Variants in SCHIP1 observed in about 807,000 individuals in gnomAD.
SCHIP1 encodes the protein schwannomin interacting protein 1.
Under a neutral mutation model 29.7 loss-of-function variants are expected in SCHIP1, and 8 were observed. The observed-to-expected ratio is 0.27, with a 90% CI of 0.16 to 0.49. The LOEUF is 0.49. Among genes scored for constraint, SCHIP1 ranks in the 20% least tolerant of loss-of-function variants. The pLI is 0.99. For missense variants in SCHIP1, 193 were observed against 294.6 expected (o/e 0.66, Z 2.52); for synonymous variants, 76 against 94.9 (o/e 0.80, Z 1.16).
the SCHIP1 span, among the ~76,000 whole-genome samples, chr3:159,640,613 G>A: frequency 6.6e-6 from 1 of 152,094 alleles, no homozygotes; most frequent in Non-Finnish European, 1.5e-5. Flanking sequence ...GAGAAACTGG[G>A]CCTGAATTTT....
the SCHIP1 span, among the ~76,000 whole-genome samples, chr3:159,772,245 G>A: frequency 2.6e-5 from 4 of 152,136 alleles, no homozygotes; most frequent in Non-Finnish European, 5.9e-5. Flanking sequence ...CCATCTCCCA[G>A]TTTCAAGCAA....
the SCHIP1 span, among the ~76,000 whole-genome samples, chr3:159,468,777 A>ATATATATATTTTTTT: frequency 7.9e-6 from 1 of 127,350 alleles, no homozygotes; most frequent in African/African-American, 3.0e-5. Context: ...ATATATATAT[A>ATATATATATTTTTTT]TTTTTTTTAG....
chr3:159,456,268 T>G, the SCHIP1 span, among the ~76,000 whole-genome samples: 3 of 152,166 alleles, frequency 2.0e-5, no homozygotes, highest in Admixed American at 2.0e-4. Flanking sequence ...GTAAATTGTT[T>G]AAAATAAAGA....
chr3:159,382,019 T>C, the SCHIP1 span, among the ~76,000 whole-genome samples: 1 of 152,100 alleles, frequency 6.6e-6, no homozygotes, highest in Admixed American at 6.6e-5. Context: ...TGCTTCGGCC[T>C]AATAGTGACA....
chr3:159,462,913 T>C, the SCHIP1 span, among the ~76,000 whole-genome samples: 1 of 152,116 alleles, frequency 6.6e-6, no homozygotes, highest in South Asian at 2.1e-4. Context: ...AACTTAAATG[T>C]TTACCAGAAA....
the SCHIP1 span, among the ~76,000 whole-genome samples, chr3:159,505,408 A>C: frequency 3.3e-5 from 5 of 152,324 alleles, no homozygotes; most frequent in South Asian, 1.0e-3. Context: ...ACGAAGGAGA[A>C]CAAGGTTGGG....
the SCHIP1 span, among the ~76,000 whole-genome samples, chr3:159,499,515 G>A: frequency 5.5e-4 from 83 of 152,186 alleles, no homozygotes; most frequent in Non-Finnish European, 1.1e-3. Flanking sequence ...CAAGTCGACT[G>A]AGATGATAAT....
intron 2 of SCHIP1, among the ~76,000 whole-genome samples, chr3:159,877,797 A>G (rs1715994303): frequency 6.6e-6 from 1 of 152,208 alleles, no homozygotes; most frequent in Non-Finnish European, 1.5e-5. Flanking sequence ...ATAGGTGTTT[A>G]AACTCTGTCT....
At chr3:159,891,314 T>C (rs1201268563) in intron 5 of SCHIP1, among the ~76,000 whole-genome samples, 1 of 151,360 alleles carries the variant, frequency 6.6e-6, no homozygotes, top group Non-Finnish European at 1.5e-5. Flanking sequence ...GAGGTTGCAA[T>C]GAGCCGAGAT....
chr3:159,579,003 A>C, the SCHIP1 span, among the ~76,000 whole-genome samples: 5 of 152,210 alleles, frequency 3.3e-5, no homozygotes, highest in South Asian at 1.0e-3. Context: ...TTTCCATTGG[A>C]CAATACTGAT....
chr3:159,707,744 TC>T, the SCHIP1 span, among the ~76,000 whole-genome samples: 15 of 152,334 alleles, frequency 9.8e-5, 1 homozygote, highest in African/African-American at 3.4e-4. Context: ...TTCCCGTAGA[TC>T]AAAGAATTGT....
chr3:159,460,713 C>T, the SCHIP1 span, among the ~76,000 whole-genome samples: 1 of 152,126 alleles, frequency 6.6e-6, no homozygotes, highest in Non-Finnish European at 1.5e-5. Context: ...GGAAGTTCCA[C>T]ATCCCAAGAC....
the SCHIP1 span, among the ~76,000 whole-genome samples, chr3:159,584,903 C>T: frequency 6.6e-6 from 1 of 152,020 alleles, no homozygotes; most frequent in Non-Finnish European, 1.5e-5. Context: ...CCTTGTAACA[C>T]CCCAGGCATT....
the SCHIP1 span, among the ~76,000 whole-genome samples, chr3:159,497,133 G>T: frequency 1.6e-4 from 25 of 151,974 alleles, 1 homozygote; most frequent in Admixed American, 1.4e-3. Context: ...AGCATTAGGA[G>T]ATATATCTAA....
the SCHIP1 span, among the ~76,000 whole-genome samples, chr3:159,507,895 C>T: frequency 2.0e-5 from 3 of 152,120 alleles, no homozygotes; most frequent in African/African-American, 7.2e-5. Flanking sequence ...ATTTTTGCAT[C>T]GATATTCATC....
the SCHIP1 span, among the ~76,000 whole-genome samples, chr3:159,449,997 G>T: frequency 6.6e-6 from 1 of 152,076 alleles, no homozygotes. Flanking sequence ...GAGAGAAGGA[G>T]AGGGGAGAAA....
At chr3:159,315,160 T>G in the SCHIP1 span, among the ~76,000 whole-genome samples, 9 of 151,870 alleles carry the variant, frequency 5.9e-5, no homozygotes, top group African/African-American at 1.7e-4. Context: ...CATGTCCTTG[T>G]CAACACTTGG....
chr3:159,490,869 G>C, the SCHIP1 span, among the ~76,000 whole-genome samples: 1 of 152,156 alleles, frequency 6.6e-6, no homozygotes, highest in Non-Finnish European at 1.5e-5. Flanking sequence ...AATTGATTCA[G>C]TGAGTATGGC....
chr3:159,642,056 C>T, the SCHIP1 span, among the ~76,000 whole-genome samples: 8 of 152,106 alleles, frequency 5.3e-5, no homozygotes, highest in Non-Finnish European at 1.0e-4. Context: ...ACTTCTCCCA[C>T]TTATGGACTC....
Sources: allele counts gnomAD v4.1 joint callset (sites outside exome capture counted in the v4.1 genomes callset), GRCh38; gene constraint gnomAD v4.1.1; transcripts MANE v1.5; gene names NCBI Gene and HGNC (gene_info 2026-07-23, HGNC 2026-07-21).